Variants in CDK5RAP1 observed in about 807,000 individuals in gnomAD.
The protein encoded by CDK5RAP1 is mitochondrial tRNA methylthiotransferase CDK5RAP1.
CDK5RAP1 carries 62 observed loss-of-function variants against 64.5 expected under a neutral mutation model. The observed-to-expected ratio is 0.96, with a 90% CI of 0.78 to 1.19. The LOEUF is 1.19. Among genes scored for constraint, CDK5RAP1 ranks in the 50% most tolerant of loss-of-function variants. CDK5RAP1 has a pLI of 0.00. For missense variants in CDK5RAP1, 657 were observed against 735.0 expected, an observed-to-expected ratio of 0.89 and a Z score of 1.23; for synonymous variants, 250 against 261.9, an observed-to-expected ratio of 0.95 and a Z score of 0.44.
chr20:33,389,010 A>T (rs1389639821), intron 5 of CDK5RAP1, among the ~76,000 whole-genome samples: 1 of 152,114 alleles, frequency 6.6e-6, no homozygotes, highest in Admixed American at 6.5e-5. Flanking sequence ...TTGGCCTCCC[A>T]AAGTGCCGAG....
In CDK5RAP1 at chr20:33,401,324, C is replaced by G. The variant is rs1254998690; in HGVS notation, c.-21+104G>C. On this transcript the variant is annotated intron_variant, in intron 1 of 13. Coordinates refer to ENST00000346416, the MANE Select transcript of CDK5RAP1 (RefSeq NM_016408.4). ...CCCACGCCATAACCACCGTGCCATC[C>G]TCCCTCTTGAACACCGTGCGCTTCC... The G allele has an allele frequency of 3.5e-6, 3 of 856,842 alleles. No homozygotes were observed. The South Asian group carries it at 1.6e-4, about 45-fold the overall frequency. The allele number at this position is 856,842 out of a possible 1,614,324, so 53.1% of individuals were successfully genotyped here.
intron 8 of CDK5RAP1, among the ~76,000 whole-genome samples, chr20:33,375,485 C>T (rs911016129): frequency 6.6e-6 from 1 of 151,350 alleles, no homozygotes; most frequent in Non-Finnish European, 1.5e-5. Context: ...GCAAGAAAGG[C>T]TCCTTTGCAG....
intron 7 of CDK5RAP1, among the ~76,000 whole-genome samples, chr20:33,381,666 A>G (rs971526340): frequency 1.2e-4 from 18 of 152,064 alleles, no homozygotes; most frequent in Admixed American, 3.3e-4. Flanking sequence ...GAGCTCAGAC[A>G]ATCTGCACAC....
chr20:33,372,725 C>G (rs774265755), intron 9 of CDK5RAP1, 28 bp from the exon 10 acceptor site: 1 of 1,478,722 alleles, frequency 6.8e-7, no homozygotes, highest in East Asian at 2.3e-5. Flanking sequence ...AGGAAAAGGC[C>G]TACATAAATC....
chr20:33,394,962 G>T, intron 3 of CDK5RAP1, 51 bp downstream of exon 3: 1 of 1,123,510 alleles, frequency 8.9e-7, no homozygotes. Flanking sequence ...TGGCACAAAT[G>T]CAGAATCTTG....
At chr20:33,392,440 T>G (rs1453874768) in intron 4 of CDK5RAP1, among the ~76,000 whole-genome samples, 198 bp from the exon 5 acceptor site, 2 of 151,444 alleles carry the variant, frequency 1.3e-5, no homozygotes, top group African/African-American at 4.9e-5. Flanking sequence ...TTGTAAAACA[T>G]TAGGAGATTT....
At chr20:33,376,398 T>C (rs1373006903) in intron 8 of CDK5RAP1, among the ~76,000 whole-genome samples, 2 of 152,196 alleles carry the variant, frequency 1.3e-5, no homozygotes, top group African/African-American at 2.4e-5. Flanking sequence ...GTCCAACTTG[T>C]AGGCTCAAGT....
intron 5 of CDK5RAP1, among the ~76,000 whole-genome samples, chr20:33,389,650 C>T (rs1356811475): frequency 6.6e-6 from 1 of 152,100 alleles, no homozygotes; most frequent in African/African-American, 2.4e-5. Flanking sequence ...TGCCCGGCCA[C>T]CCCTTCTGGG....
At chr20:33,375,880 G>A (rs1038193448) in intron 8 of CDK5RAP1, among the ~76,000 whole-genome samples, 14 of 151,696 alleles carry the variant, frequency 9.2e-5, no homozygotes, top group African/African-American at 1.2e-4. Context: ...TAAATATATC[G>A]AGATAGGGTT....
intron 8 of CDK5RAP1, among the ~76,000 whole-genome samples, chr20:33,376,197 T>C (rs753879871): frequency 1.3e-5 from 2 of 152,056 alleles, no homozygotes; most frequent in Non-Finnish European, 2.9e-5. Context: ...TGGTGGTGCA[T>C]GCCTGTAGTC....
intron 13 of CDK5RAP1, chr20:33,359,354 T>G (rs1270102776): frequency 2.1e-6 from 1 of 480,724 alleles, no homozygotes; most frequent in African/African-American, 1.9e-5. Context: ...CACTTCTCCC[T>G]TTTCTCTTGG....
At chr20:33,365,774 A>C (rs115472626) in intron 12 of CDK5RAP1, among the ~76,000 whole-genome samples, 2,957 of 152,218 alleles carry the variant, frequency 0.019, 103 homozygotes, top group African/African-American at 0.068. Flanking sequence ...ACCTTTCTCC[A>C]AGGACAGTGG....
chr20:33,396,017 CA>C (rs1174313172), intron 2 of CDK5RAP1, among the ~76,000 whole-genome samples: 3 of 151,534 alleles, frequency 2.0e-5, no homozygotes, highest in African/African-American at 7.3e-5. Flanking sequence ...CAAAAAAAAA[CA>C]AAAAAGAAAA....
chr20:33,376,345 TAAAAAATAA>T (rs1231976111), intron 8 of CDK5RAP1, among the ~76,000 whole-genome samples: 1 of 151,876 alleles, frequency 6.6e-6, no homozygotes, highest in African/African-American at 2.4e-5. Flanking sequence ...AAAATAAAAA[TAAAAAATAA>T]AAACTATAAA....
chr20:33,401,256 G>T (rs1309978352), intron 1 of CDK5RAP1, among the ~76,000 whole-genome samples, 172 bp downstream of exon 1: 1 of 152,232 alleles, frequency 6.6e-6, no homozygotes, highest in Non-Finnish European at 1.5e-5. Flanking sequence ...ACGGGGTTAG[G>T]CGGCGGGGTT....
chr20:33,366,782 C>T, intron 12 of CDK5RAP1, 77 bp downstream of exon 12: 1 of 1,425,216 alleles, frequency 7.0e-7, no homozygotes, highest in Non-Finnish European at 9.5e-7. Context: ...GCCTAGGCAA[C>T]ATAATGAGGA....
At chr20:33,385,537 G>C in intron 7 of CDK5RAP1, 113 bp downstream of exon 7, 2 of 1,255,286 alleles carry the variant, frequency 1.6e-6, no homozygotes, top group Non-Finnish European at 2.2e-6. Context: ...TTTCTGGCCA[G>C]GCATGGTCCT....
At chr20:33,396,260 G>C (rs1415460807) in intron 2 of CDK5RAP1, among the ~76,000 whole-genome samples, 1 of 152,182 alleles carries the variant, frequency 6.6e-6, no homozygotes, top group Non-Finnish European at 1.5e-5. Context: ...GTACACAGTT[G>C]TAAGAATATG....
At chr20:33,365,386 C>T (rs1983724554) in intron 12 of CDK5RAP1, among the ~76,000 whole-genome samples, 2 of 151,486 alleles carry the variant, frequency 1.3e-5, no homozygotes, top group Non-Finnish European at 2.9e-5. Flanking sequence ...ATTCTCCCAC[C>T]TCAGCCTCCT....
Sources: allele counts gnomAD v4.1 joint callset (sites outside exome capture counted in the v4.1 genomes callset), GRCh38; gene constraint gnomAD v4.1.1; transcripts MANE v1.5; gene names NCBI Gene and HGNC (gene_info 2026-07-23, HGNC 2026-07-21).